The following MEGF11 variants were observed in gnomAD, a reference collection of about 807,000 sequenced individuals.
The protein encoded by MEGF11 is multiple epidermal growth factor-like domains protein 11.
In MEGF11, 126 loss-of-function variants were observed where a neutral mutation model predicts 146.6. That is an observed-to-expected ratio of 0.86 (90% CI 0.74 to 1.00). MEGF11 has a LOEUF of 1.00. Among genes scored for constraint, MEGF11 ranks in the 50% least tolerant of loss-of-function variants. MEGF11 has a pLI of 0.00. For missense variants in MEGF11, 1,509 were observed against 1,521.2 expected, an observed-to-expected ratio of 0.99 and a Z score of 0.13; for synonymous variants, 532 against 583.4, an observed-to-expected ratio of 0.91 and a Z score of 1.27.
At chr15:66,002,761 C>T (rs903394885) in intron 5 of MEGF11, among the ~76,000 whole-genome samples, 7 of 151,870 alleles carry the variant, frequency 4.6e-5, no homozygotes, top group Non-Finnish European at 1.0e-4. Flanking sequence ...GTTCGCAGAC[C>T]TCAGAGTCAA....
At chr15:66,106,181 G>A (rs1174716270) in intron 4 of MEGF11, among the ~76,000 whole-genome samples, 1 of 152,198 alleles carries the variant, frequency 6.6e-6, no homozygotes, top group African/African-American at 2.4e-5. Context: ...GAAAGGAGAT[G>A]GGAAACAATG....
intron 5 of MEGF11, among the ~76,000 whole-genome samples, chr15:66,016,224 T>C (rs1046040657): frequency 1.3e-5 from 2 of 152,190 alleles, no homozygotes; most frequent in African/African-American, 4.8e-5. Flanking sequence ...TTTATTTTCT[T>C]TCAATGATCA....
At chr15:66,019,079 G>A (rs115762069) in intron 5 of MEGF11, among the ~76,000 whole-genome samples, 157 of 152,300 alleles carry the variant, frequency 1.0e-3, no homozygotes, top group African/African-American at 3.6e-3. Context: ...CACACGTCAG[G>A]CTTGGTCCCT....
In MEGF11 at chr15:65,909,140, T is replaced by G; in HGVS notation, c.2897-5A>C. 1.3e-6 allele frequency: 2 copies of G among 1,519,392 alleles called. No homozygotes were observed. The highest frequency in any genetic ancestry group is 1.8e-6 in the Non-Finnish European group (2 of 1,132,074). The allele number at this position is 1,519,392 out of a possible 1,614,324, so 94.1% of individuals were successfully genotyped here. A position where few individuals can be genotyped will look rare whatever the true frequency, so the allele number is the denominator to read the frequency against. ...CACTGATCTGGAAATGGGAGTCTAGTGAGAGGAATGACAGGGAGGAGCCAT... is the reference window on the plus strand; with the variant it reads ...CACTGATCTGGAAATGGGAGTCTAGGGAGAGGAATGACAGGGAGGAGCCAT... On this transcript the variant is annotated splice_region_variant and splice_polypyrimidine_tract_variant and intron_variant, in intron 22 of 25. Coordinates refer to ENST00000395614, the MANE Select transcript of MEGF11 (RefSeq NM_001385028.1).
intron 21 of MEGF11, 86 bp downstream of exon 21, chr15:65,911,995 CG>C (rs1338721146): frequency 1.0e-5 from 7 of 671,458 alleles, no homozygotes; most frequent in Non-Finnish European, 1.5e-5. Flanking sequence ...CTCCATGTGG[CG>C]GGGGGCGTGC....
At chr15:66,244,579 C>T (rs2092267547) in intron 1 of MEGF11, among the ~76,000 whole-genome samples, 1 of 152,168 alleles carries the variant, frequency 6.6e-6, no homozygotes, top group Non-Finnish European at 1.5e-5. Context: ...CTCCTGCTGG[C>T]TGAGTGAGCA....
chr15:66,139,396 A>G (rs1377899060), intron 1 of MEGF11, among the ~76,000 whole-genome samples: 2 of 152,202 alleles, frequency 1.3e-5, no homozygotes, highest in Non-Finnish European at 2.9e-5. Flanking sequence ...AGTGTTTTCC[A>G]GGAAATTGTT....
At chr15:66,077,749 G>A (rs938476150) in intron 5 of MEGF11, among the ~76,000 whole-genome samples, 1 of 152,228 alleles carries the variant, frequency 6.6e-6, no homozygotes, top group Non-Finnish European at 1.5e-5. Flanking sequence ...GGCAAGGACC[G>A]CCTGGCCATG....
chr15:66,147,526 G>T (rs1354750835), intron 1 of MEGF11, among the ~76,000 whole-genome samples: 1 of 152,228 alleles, frequency 6.6e-6, no homozygotes, highest in South Asian at 2.1e-4. Flanking sequence ...TGCTGGGAGG[G>T]AACACTGGCC....
intron 10 of MEGF11, among the ~76,000 whole-genome samples, chr15:65,952,676 A>G (rs2080450166): frequency 6.6e-6 from 1 of 151,780 alleles, no homozygotes. Flanking sequence ...ACTTGTAAGC[A>G]CTCCCACTGG....
intron 1 of MEGF11, among the ~76,000 whole-genome samples, chr15:66,204,068 T>A (rs62009929): frequency 2.0e-5 from 3 of 149,548 alleles, no homozygotes; most frequent in Admixed American, 1.3e-4. Flanking sequence ...GACAGTAAGA[T>A]CTCATCTCTA....
In MEGF11 at chr15:65,936,555, G is replaced by A. The variant is rs1333972919; in HGVS notation, c.1288-5612C>T. 3.3e-5 allele frequency among the ~76,000 whole-genome samples: 5 copies of A among 152,312 alleles called. No individual in the cohort carries two copies. The East Asian group carries it at 9.7e-4, about 29-fold the overall frequency. On this transcript the variant is annotated intron_variant, in intron 10 of 25. Coordinates refer to ENST00000395614, the MANE Select transcript of MEGF11 (RefSeq NM_001385028.1). Reference sequence around the variant, plus strand: ...TAAGGGCCAACTCTGAGCTAGCCATGTTGCAGGCTCCAAGGGCACAGAAGA... The same window carrying A: ...TAAGGGCCAACTCTGAGCTAGCCATATTGCAGGCTCCAAGGGCACAGAAGA...
intron 10 of MEGF11, among the ~76,000 whole-genome samples, chr15:65,933,612 C>T (rs928939444): frequency 1.4e-4 from 21 of 152,206 alleles, no homozygotes; most frequent in African/African-American, 5.1e-4. Flanking sequence ...GCTGAGATGG[C>T]TTTCTGCTTC....
At position 66,119,306 on chromosome 15, in the gene MEGF11, C is replaced by T. The variant is rs542448718; in HGVS notation, c.201-120G>A. On this transcript the variant is annotated intron_variant, in intron 3 of 25. Transcript: ENST00000395614. ...TCAATAATTACTTTAAAATGCATGGCGACTTCAAATATGAAGGAACACAAT... is the reference window on the plus strand; with the variant it reads ...TCAATAATTACTTTAAAATGCATGGTGACTTCAAATATGAAGGAACACAAT... The T allele has an allele frequency of 1.1e-4, 74 of 686,278 alleles. No homozygotes were observed. The East Asian group carries it at 1.7e-3, about 16-fold the overall frequency. 42.5% of individuals were successfully genotyped at this position (686,278 alleles called of 1,614,324 possible).
At chr15:66,245,038 T>A (rs1304069362) in intron 1 of MEGF11, among the ~76,000 whole-genome samples, 1 of 152,142 alleles carries the variant, frequency 6.6e-6, no homozygotes, top group Non-Finnish European at 1.5e-5. Flanking sequence ...CAGAAGTTCA[T>A]GGGAAGGAAA....
intron 10 of MEGF11, among the ~76,000 whole-genome samples, chr15:65,952,196 G>A (rs1196455215): frequency 1.3e-5 from 2 of 152,154 alleles, no homozygotes; most frequent in Non-Finnish European, 2.9e-5. Context: ...GGGGACTACT[G>A]TACTGTGTGT....
intron 5 of MEGF11, among the ~76,000 whole-genome samples, chr15:66,034,398 G>T (rs1471062617): frequency 1.4e-5 from 2 of 145,144 alleles, no homozygotes; most frequent in African/African-American, 5.0e-5. Context: ...TGGAATGCTG[G>T]TTTTTTTTTT....
intron 1 of MEGF11, among the ~76,000 whole-genome samples, chr15:66,142,383 C>T (rs1046673039): frequency 5.9e-5 from 9 of 152,220 alleles, no homozygotes; most frequent in South Asian, 2.1e-4. Flanking sequence ...ACAGAACAGG[C>T]GCCCGCCAGA....
At chr15:66,183,585 G>A (rs1410969941) in intron 1 of MEGF11, among the ~76,000 whole-genome samples, 3 of 151,644 alleles carry the variant, frequency 2.0e-5, no homozygotes, top group East Asian at 1.9e-4. Context: ...CAAAAGAAAG[G>A]CCAAACAAAA....
Sources: gnomAD v4.1 joint callset for allele counts (sites outside exome capture counted in the v4.1 genomes callset) on GRCh38, gnomAD v4.1.1 for gene constraint, MANE v1.5 for transcripts, NCBI Gene and HGNC (gene_info 2026-07-23, HGNC 2026-07-21) for gene names.